FAM227B: variants seen among roughly 807,000 people sequenced by gnomAD.
FAM227B encodes protein FAM227B.
A neutral mutation model predicts 73.8 loss-of-function variants in FAM227B; 88 were observed. The observed-to-expected ratio is 1.19, with a 90% CI of 1.00 to 1.42. FAM227B has a LOEUF of 1.42. Ranked by LOEUF, FAM227B falls within the 40% of genes most tolerant of loss-of-function variation. The pLI is 0.00. For synonymous variants in FAM227B, 210 were observed against 190.5 expected, an observed-to-expected ratio of 1.10 and a Z score of -0.84; for missense variants, 632 against 590.9, an observed-to-expected ratio of 1.07 and a Z score of -0.72.
chr15:49,436,592 A>G (rs58357997), intron 11 of FAM227B, among the ~76,000 whole-genome samples: 2,617 of 151,688 alleles, frequency 0.017, 93 homozygotes, highest in African/African-American at 0.061. Flanking sequence ...AACACTTTAT[A>G]TACATTATTT....
rs149347133 is a variant in FAM227B, at chr15:49,351,455, A to G, written c.1272-15959T>C. ...GACAATGTTGATTTTTTTCTAAAAC[A>G]TGTAATTCCCATATAGTTTTTAAAA... On this transcript the variant is annotated intron_variant, in intron 13 of 15. Transcript: ENST00000299338. Among the ~76,000 whole-genome samples the G allele has an allele frequency of 1.3e-3, 199 of 152,310 alleles. 1 individual carries two copies. The highest frequency in any genetic ancestry group is 3.4e-3 in the Middle Eastern group (1 of 294).
At chr15:49,476,798 G>A (rs532599202) in intron 11 of FAM227B, among the ~76,000 whole-genome samples, 6 of 152,182 alleles carry the variant, frequency 3.9e-5, no homozygotes, top group South Asian at 2.1e-4. Flanking sequence ...GGTGGCTCAC[G>A]CCTGTAATCC....
At chr15:49,406,951 C>A (rs1389642259) in intron 11 of FAM227B, among the ~76,000 whole-genome samples, 1 of 151,972 alleles carries the variant, frequency 6.6e-6, no homozygotes, top group Non-Finnish European at 1.5e-5. Context: ...GGATGCCCTG[C>A]AAGCAGATGT....
intron 1 of FAM227B, among the ~76,000 whole-genome samples, chr15:49,617,672 A>C (rs915577720): frequency 7.9e-5 from 12 of 152,182 alleles, no homozygotes; most frequent in African/African-American, 2.9e-4. Flanking sequence ...CTGCTGTAAC[A>C]AACAGCTAAC....
intron 9 of FAM227B, among the ~76,000 whole-genome samples, chr15:49,548,478 T>G (rs1456261153): frequency 6.6e-6 from 1 of 152,192 alleles, no homozygotes; most frequent in Admixed American, 6.5e-5. Context: ...GTCTGTAGTT[T>G]TCTTTTCTTT....
intron 11 of FAM227B, among the ~76,000 whole-genome samples, chr15:49,373,531 ACT>A (rs1212263755): frequency 4.1e-5 from 6 of 146,170 alleles, no homozygotes; most frequent in African/African-American, 7.4e-5. Context: ...TCCAAAAATG[ACT>A]CTATCTGATA....
chr15:49,496,517 G>C (rs547214821), intron 11 of FAM227B, among the ~76,000 whole-genome samples: 18 of 152,134 alleles, frequency 1.2e-4, no homozygotes, highest in Admixed American at 1.2e-3. Context: ...AGAGGAGCTG[G>C]CTTATAAATC....
rs376200050 is a variant in FAM227B at position 49,575,138 on chromosome 15, T to C, written c.547-29A>G. 7 of 1,186,446 alleles carry C rather than the reference T, an allele frequency of 5.9e-6. No homozygotes were observed. In the Middle Eastern group the frequency reaches 7.9e-4, roughly 133 times the overall value. The allele number at this position is 1,186,446 out of a possible 1,614,324, so 73.5% of individuals were successfully genotyped here. On this transcript the variant is annotated intron_variant, in intron 7 of 15. Coordinates refer to ENST00000299338, the MANE Select transcript of FAM227B (RefSeq NM_152647.3). ...TGGAAAAAAACAAGAGAGAGATGCA[T>C]GGAGATTAAAATATATTACAAAACA... is the stretch of plus-strand genomic sequence containing the variant.
At chr15:49,501,536 A>T (rs2058135918) in intron 11 of FAM227B, among the ~76,000 whole-genome samples, 1 of 152,202 alleles carries the variant, frequency 6.6e-6, no homozygotes, top group Non-Finnish European at 1.5e-5. Flanking sequence ...GCTGCTTGCA[A>T]CAGACGACAC....
chr15:49,381,156 T>C (rs1596722135), intron 11 of FAM227B, among the ~76,000 whole-genome samples: 1 of 152,124 alleles, frequency 6.6e-6, no homozygotes, highest in South Asian at 2.1e-4. Flanking sequence ...ACAGGGATGG[T>C]GGTAAGCCAT....
At position 49,574,070 on chromosome 15, in the gene FAM227B, T is replaced by C. The variant is rs552832017; in HGVS notation, c.645+941A>G. On this transcript the variant is annotated intron_variant, in intron 8 of 15. Coordinates refer to ENST00000299338, the MANE Select transcript of FAM227B (RefSeq NM_152647.3). ...TTGCTTTGAAATCTACTTTGTATGATGGATTAAAAAAAAACTGACTTTGTA... is the reference window on the plus strand; with the variant it reads ...TTGCTTTGAAATCTACTTTGTATGACGGATTAAAAAAAAACTGACTTTGTA... Among the ~76,000 whole-genome samples, 132 of 152,262 alleles carry C rather than the reference T, an allele frequency of 8.7e-4. 5 individuals carry two copies. The South Asian group carries it at 0.026, about 30-fold the overall frequency.
chr15:49,332,233 A>AG (rs2151152883), intron 14 of FAM227B, among the ~76,000 whole-genome samples: 1 of 152,248 alleles, frequency 6.6e-6, no homozygotes, highest in East Asian at 1.9e-4. Flanking sequence ...CATCCTCTTC[A>AG]GTTAGATGGT....
In FAM227B at chr15:49,327,637, A is replaced by G. The variant is rs1479665129; in HGVS notation, c.*931T>C. ...TTCCTGATTTACGTGTAAGCTTGCT[A>G]TACAACTCTTCAAGTGGCTACTTTA... On this transcript the variant is annotated 3_prime_UTR_variant, in exon 16 of 16. Coordinates refer to ENST00000299338, the MANE Select transcript of FAM227B (RefSeq NM_152647.3). 3 of 198,560 alleles carry G rather than the reference A, an allele frequency of 1.5e-5. No individual in the cohort carries two copies. Among genetic ancestry groups the G allele is most frequent in the Non-Finnish European group, 3.0e-5 (3 of 98,486 alleles). 12.3% of individuals were successfully genotyped at this position (198,560 alleles called of 1,614,324 possible). A position where few individuals can be genotyped will look rare whatever the true frequency, so the allele number is the denominator to read the frequency against.
intron 13 of FAM227B, among the ~76,000 whole-genome samples, chr15:49,342,606 T>G (rs1357401826): frequency 6.6e-6 from 1 of 152,214 alleles, no homozygotes; most frequent in South Asian, 2.1e-4. Context: ...GTTTCTATTG[T>G]GTCATTGGTT....
At chr15:49,501,680 G>A (rs2058147641) in intron 11 of FAM227B, among the ~76,000 whole-genome samples, 1 of 152,248 alleles carries the variant, frequency 6.6e-6, no homozygotes, top group South Asian at 2.1e-4. Flanking sequence ...AATAATTCAA[G>A]TAGGCTTTGT....
chr15:49,439,727 G>A (rs75292823), intron 11 of FAM227B, among the ~76,000 whole-genome samples: 3,540 of 151,768 alleles, frequency 0.023, 87 homozygotes, highest in South Asian at 0.13. Flanking sequence ...TTCTCTTACT[G>A]CAGACAGAGG....
At chr15:49,589,197 A>G (rs2152406254) in intron 4 of FAM227B, among the ~76,000 whole-genome samples, 1 of 152,240 alleles carries the variant, frequency 6.6e-6, no homozygotes, top group Non-Finnish European at 1.5e-5. Flanking sequence ...CTACCCCTAG[A>G]AACTAGCCTG....
At chr15:49,571,971 A>G (rs1053241370) in intron 8 of FAM227B, among the ~76,000 whole-genome samples, 1 of 151,978 alleles carries the variant, frequency 6.6e-6, no homozygotes, top group East Asian at 1.9e-4. Flanking sequence ...TAATTCTTTC[A>G]ATCTATAAAC....
intron 10 of FAM227B, among the ~76,000 whole-genome samples, chr15:49,529,657 A>G (rs1392402337): frequency 1.3e-5 from 2 of 151,726 alleles, no homozygotes; most frequent in Non-Finnish European, 3.0e-5. Context: ...ATAGTGCAAT[A>G]TCACACTAGG....
Sources: gnomAD v4.1 joint callset for allele counts (sites outside exome capture counted in the v4.1 genomes callset) on GRCh38, gnomAD v4.1.1 for gene constraint, MANE v1.5 for transcripts, NCBI Gene and HGNC (gene_info 2026-07-23, HGNC 2026-07-21) for gene names.